The following PLCE1 variants were observed in gnomAD, a reference collection of about 807,000 sequenced individuals.
The protein encoded by PLCE1 is 1-phosphatidylinositol 4,5-bisphosphate phosphodiesterase epsilon-1.
In PLCE1, 119 loss-of-function variants were observed where a neutral mutation model predicts 242.8. The observed-to-expected ratio is 0.49, with a 90% CI of 0.42 to 0.57. The LOEUF is 0.57. Ranked by LOEUF, PLCE1 falls within the 20% of genes least tolerant of loss-of-function variation. The probability of loss-of-function intolerance (pLI) is 0.00; values close to 1 mark genes in which losing one functional copy is unlikely to be tolerated. For synonymous variants in PLCE1, 945 were observed against 1,017.4 expected (o/e 0.93, Z 1.35); for missense variants, 2,441 against 2,788.8 (o/e 0.88, Z 2.81).
chr10:94,087,421 A>G (rs73329854), intron 2 of PLCE1, among the ~76,000 whole-genome samples: 2,851 of 151,082 alleles, frequency 0.019, 102 homozygotes, highest in African/African-American at 0.066. Flanking sequence ...CCTAGAGCCC[A>G]TCTAAGTCCA....
At chr10:94,106,535 A>C (rs1208588219) in intron 2 of PLCE1, among the ~76,000 whole-genome samples, 1 of 152,126 alleles carries the variant, frequency 6.6e-6, no homozygotes, top group Non-Finnish European at 1.5e-5. Flanking sequence ...AATGCTAAAT[A>C]TTTCTGTAAT....
chr10:94,001,157 G>A (rs991411503), intron 1 of PLCE1, among the ~76,000 whole-genome samples: 1 of 152,132 alleles, frequency 6.6e-6, no homozygotes, highest in Non-Finnish European at 1.5e-5. Flanking sequence ...AGATATCTGG[G>A]GAAAATAAAA....
intron 2 of PLCE1, among the ~76,000 whole-genome samples, chr10:94,115,878 C>T (rs924860299): frequency 6.6e-6 from 1 of 152,202 alleles, no homozygotes; most frequent in Non-Finnish European, 1.5e-5. Context: ...CTTATTGTTT[C>T]CTGCCTCGTG....
chr10:94,128,593 C>T (rs1316766539), intron 2 of PLCE1, among the ~76,000 whole-genome samples: 1 of 152,148 alleles, frequency 6.6e-6, no homozygotes, highest in Non-Finnish European at 1.5e-5. Flanking sequence ...TTAATATATA[C>T]ATAGCATTTA....
chr10:94,122,350 C>T (rs1319768350), intron 2 of PLCE1, among the ~76,000 whole-genome samples: 1 of 152,174 alleles, frequency 6.6e-6, no homozygotes, highest in Non-Finnish European at 1.5e-5. Context: ...AAACATAATC[C>T]ATTTGTCCTG....
At chr10:94,326,348 A>T (rs1382928157) in intron 32 of PLCE1, among the ~76,000 whole-genome samples, 1 of 152,238 alleles carries the variant, frequency 6.6e-6, no homozygotes, top group Non-Finnish European at 1.5e-5. Context: ...AAGAAGGCCC[A>T]ATACATTGAG....
chr10:94,190,943 T>A lies in PLCE1; in HGVS notation c.1809+19447T>A, dbSNP rs183496931. On this transcript the variant is annotated intron_variant, in intron 4 of 32. Coordinates refer to ENST00000371380, the MANE Select transcript of PLCE1 (RefSeq NM_016341.4). ...TCTAAGACATAAAGTGGGAGAGAGA[T>A]CACAGGCTTCAAGGATCAAGCTTTG... Among the ~76,000 whole-genome samples the A allele has an allele frequency of 2.6e-5, 4 of 152,216 alleles. No homozygotes were observed. In the East Asian group the frequency reaches 7.7e-4, roughly 29 times the overall value.
At chr10:94,030,392 A>G (rs571437376) in intron 1 of PLCE1, among the ~76,000 whole-genome samples, 1 of 151,462 alleles carries the variant, frequency 6.6e-6, no homozygotes, top group East Asian at 1.9e-4. Flanking sequence ...TCAGACATCA[A>G]TGTCTGTGTT....
intron 2 of PLCE1, among the ~76,000 whole-genome samples, chr10:94,050,990 G>T (rs2043748579): frequency 6.6e-6 from 1 of 152,102 alleles, no homozygotes; most frequent in African/African-American, 2.4e-5. Context: ...CAGTTTATGG[G>T]ATGGGATACT....
intron 3 of PLCE1, among the ~76,000 whole-genome samples, chr10:94,169,186 C>A (rs1056902162): frequency 2.0e-5 from 3 of 152,088 alleles, no homozygotes; most frequent in Non-Finnish European, 4.4e-5. Context: ...GGCCAGAGAG[C>A]ATGGCCTGAT....
chr10:94,105,447 C>G (rs553309566), intron 2 of PLCE1: 1 of 152,382 alleles, frequency 6.6e-6, no homozygotes, highest in African/African-American at 2.4e-5. Context: ...CTTATCACCA[C>G]TCACCCAAAC....
intron 30 of PLCE1, 109 bp from the exon 31 acceptor site, chr10:94,324,240 C>A: frequency 1.2e-6 from 1 of 827,160 alleles, no homozygotes; most frequent in African/African-American, 1.7e-5. Flanking sequence ...TGGAAGATCC[C>A]CTTCATCTCT....
At chr10:94,315,496 A>T (rs1304724778) in intron 28 of PLCE1, 2 of 455,902 alleles carry the variant, frequency 4.4e-6, no homozygotes, top group Admixed American at 2.4e-5. Flanking sequence ...ATACATTGGT[A>T]AAACTATAAT....
At chr10:94,264,869 T>C (rs1362765504) in intron 14 of PLCE1, among the ~76,000 whole-genome samples, 1 of 152,126 alleles carries the variant, frequency 6.6e-6, no homozygotes, top group African/African-American at 2.4e-5. Flanking sequence ...GGCACAAACC[T>C]GTAGTCCCAG....
intron 7 of PLCE1, among the ~76,000 whole-genome samples, chr10:94,242,174 G>A (rs1227488146): frequency 6.6e-6 from 1 of 152,112 alleles, no homozygotes; most frequent in Admixed American, 6.6e-5. Flanking sequence ...ATTTCAGAGG[G>A]ATGGAGCTAA....
chr10:94,000,296 A>C (rs1369940293), intron 1 of PLCE1, among the ~76,000 whole-genome samples: 2 of 152,220 alleles, frequency 1.3e-5, no homozygotes, highest in African/African-American at 2.4e-5. Context: ...ATCTGGAGTC[A>C]GGTTGCTTAG....
intron 2 of PLCE1, among the ~76,000 whole-genome samples, chr10:94,068,914 G>A (rs1326350501): frequency 6.6e-6 from 1 of 152,204 alleles, no homozygotes; most frequent in African/African-American, 2.4e-5. Flanking sequence ...ACTCACCAAG[G>A]ACAGGACGGT....
intron 2 of PLCE1, among the ~76,000 whole-genome samples, chr10:94,040,808 G>T (rs1366780943): frequency 6.6e-6 from 1 of 151,982 alleles, no homozygotes; most frequent in African/African-American, 2.4e-5. Flanking sequence ...AGTGGCTTCT[G>T]CATTTTTAAA....
chr10:94,040,128 A>G (rs550360575), intron 2 of PLCE1, among the ~76,000 whole-genome samples: 3 of 151,880 alleles, frequency 2.0e-5, no homozygotes, highest in Non-Finnish European at 4.4e-5. Flanking sequence ...ATGATTAAAA[A>G]TTTTTTTTGT....
Sources: gnomAD v4.1 joint callset for allele counts (sites outside exome capture counted in the v4.1 genomes callset) on GRCh38, gnomAD v4.1.1 for gene constraint, MANE v1.5 for transcripts, NCBI Gene and HGNC (gene_info 2026-07-23, HGNC 2026-07-21) for gene names.